CDH18: variants seen among roughly 807,000 people sequenced by gnomAD.
CDH18 encodes the protein cadherin-18.
A neutral mutation model predicts 67.9 loss-of-function variants in CDH18; 31 were observed. The observed-to-expected ratio is 0.46, with a 90% CI of 0.34 to 0.62. CDH18 has a LOEUF of 0.62. CDH18 is among the 20% of genes least tolerant of loss of function. The pLI is 0.01. For missense variants in CDH18, 890 were observed against 975.5 expected, an observed-to-expected ratio of 0.91 and a Z score of 1.17; for synonymous variants, 362 against 347.2, an observed-to-expected ratio of 1.04 and a Z score of -0.48.
At chr5:20,322,502 G>A (rs1418821639) in intron 1 of CDH18, among the ~76,000 whole-genome samples, 3 of 152,014 alleles carry the variant, frequency 2.0e-5, no homozygotes, top group Non-Finnish European at 4.4e-5. Flanking sequence ...CTTTAGTATT[G>A]ATGCTTCAGT....
At chr5:19,518,209 C>G (rs1746338056) in intron 10 of CDH18, among the ~76,000 whole-genome samples, 1 of 151,948 alleles carries the variant, frequency 6.6e-6, no homozygotes. Context: ...ATTATATAAA[C>G]TGCACAATGC....
rs144690518 is a variant in CDH18 at position 19,963,512 on chromosome 5, T to C, written c.-257+17548A>G. Among the ~76,000 whole-genome samples, 16 of 152,094 alleles carry C rather than the reference T, an allele frequency of 1.1e-4. No homozygotes were observed. In the East Asian group the frequency reaches 3.1e-3, roughly 30 times the overall value. On this transcript the variant is annotated intron_variant, in intron 2 of 12. Transcript: ENST00000382275. ...TACACTTATGATGCTGTTCTAGTGA[T>C]AGTGAGTGAGTTCTCGTGAGATCTG...
At chr5:20,180,665 GCCCT>G (rs1737614153) in intron 2 of CDH18, among the ~76,000 whole-genome samples, 1 of 151,994 alleles carries the variant, frequency 6.6e-6, no homozygotes, top group Non-Finnish European at 1.5e-5. Context: ...ACCTACCCCT[GCCCT>G]CACTAAACTT....
chr5:20,349,256 G>A (rs1740960805), intron 1 of CDH18, among the ~76,000 whole-genome samples: 1 of 152,026 alleles, frequency 6.6e-6, no homozygotes, highest in African/African-American at 2.4e-5. Context: ...CCAAACAGTA[G>A]TACTTTGGAG....
chr5:19,755,423 C>T (rs1472352261), intron 3 of CDH18, among the ~76,000 whole-genome samples: 5 of 24,214 alleles, frequency 2.1e-4, no homozygotes, highest in African/African-American at 3.7e-4. Flanking sequence ...ACAGAACTAA[C>T]AGGGTATGTA....
intron 5 of CDH18, among the ~76,000 whole-genome samples, chr5:19,703,051 G>A (rs938398434): frequency 2.5e-4 from 9 of 35,504 alleles, no homozygotes; most frequent in Admixed American, 5.3e-4. Flanking sequence ...AAATATGTGC[G>A]TAAAACTCTG....
intron 1 of CDH18, among the ~76,000 whole-genome samples, chr5:20,350,023 T>C (rs1289718972): frequency 6.6e-6 from 1 of 152,136 alleles, no homozygotes; most frequent in Non-Finnish European, 1.5e-5. Flanking sequence ...GAAGCAGAAA[T>C]AGTAAAGCCT....
intron 2 of CDH18, among the ~76,000 whole-genome samples, chr5:20,183,197 T>G (rs1367336442): frequency 8.8e-6 from 1 of 113,858 alleles, no homozygotes; most frequent in Admixed American, 9.0e-5. Context: ...GTGTTAGCTA[T>G]CATTACTATT....
chr5:20,339,062 G>C (rs1448463501), intron 1 of CDH18, among the ~76,000 whole-genome samples: 1 of 152,064 alleles, frequency 6.6e-6, no homozygotes, highest in Non-Finnish European at 1.5e-5. Flanking sequence ...TCCACCCAAG[G>C]ACACTCTGAA....
intron 9 of CDH18, among the ~76,000 whole-genome samples, chr5:19,533,601 T>C (rs1434131225): frequency 6.6e-6 from 1 of 152,132 alleles, no homozygotes; most frequent in East Asian, 1.9e-4. Flanking sequence ...GGGCATGCTT[T>C]AGACAGTGAA....
chr5:19,759,998 T>C (rs1225596133), intron 3 of CDH18, among the ~76,000 whole-genome samples: 1 of 152,150 alleles, frequency 6.6e-6, no homozygotes, highest in African/African-American at 2.4e-5. Context: ...TGCAGTAGGC[T>C]TCCTATCAAT....
chr5:20,459,717 C>A (rs987708925), intron 1 of CDH18, among the ~76,000 whole-genome samples: 3 of 152,158 alleles, frequency 2.0e-5, no homozygotes, highest in African/African-American at 7.2e-5. Context: ...TGAGCTAGTC[C>A]GACAGAAGTG....
At chr5:20,136,996 A>G (rs1373304445) in intron 2 of CDH18, among the ~76,000 whole-genome samples, 1 of 152,136 alleles carries the variant, frequency 6.6e-6, no homozygotes, top group African/African-American at 2.4e-5. Context: ...GGGTAACCCA[A>G]CGTTTCTCTC....
chr5:20,511,247 A>T (rs1030684926), intron 1 of CDH18, among the ~76,000 whole-genome samples: 2 of 152,246 alleles, frequency 1.3e-5, no homozygotes, highest in Admixed American at 6.5e-5. Context: ...GTCAGCACTC[A>T]TTAGATAGAT....
At chr5:19,817,747 C>T (rs753139200) in intron 3 of CDH18, among the ~76,000 whole-genome samples, 31 of 151,976 alleles carry the variant, frequency 2.0e-4, no homozygotes, top group Non-Finnish European at 3.7e-4. Flanking sequence ...GATCCCAAGA[C>T]ATGTATGATA....
At chr5:19,817,693 A>G (rs1349337119) in intron 3 of CDH18, among the ~76,000 whole-genome samples, 5 of 152,072 alleles carry the variant, frequency 3.3e-5, no homozygotes, top group Non-Finnish European at 7.4e-5. Context: ...GGCAGGCACT[A>G]TGACAGGTAC....
intron 2 of CDH18, among the ~76,000 whole-genome samples, chr5:20,220,366 T>A (rs1240796543): frequency 6.6e-6 from 1 of 151,868 alleles, no homozygotes; most frequent in East Asian, 1.9e-4. Flanking sequence ...GTCAAAAACA[T>A]ACTCTAGGAA....
At chr5:20,120,100 T>C (rs1748234720) in intron 2 of CDH18, among the ~76,000 whole-genome samples, 1 of 152,128 alleles carries the variant, frequency 6.6e-6, no homozygotes, top group African/African-American at 2.4e-5. Context: ...TGAATGGGTT[T>C]CTATTTCCTC....
At chr5:20,241,063 T>A (rs1742855857) in intron 2 of CDH18, among the ~76,000 whole-genome samples, 1 of 152,012 alleles carries the variant, frequency 6.6e-6, no homozygotes, top group South Asian at 2.1e-4. Flanking sequence ...TATCCTCATT[T>A]CAAAAATATG....
Sources: gnomAD v4.1 joint callset for allele counts (sites outside exome capture counted in the v4.1 genomes callset) on GRCh38, gnomAD v4.1.1 for gene constraint, MANE v1.5 for transcripts, NCBI Gene and HGNC (gene_info 2026-07-23, HGNC 2026-07-21) for gene names.